OTUD7A: variants seen among roughly 807,000 people sequenced by gnomAD.
The protein encoded by OTUD7A is OTU deubiquitinase 7A.
In OTUD7A, 12 loss-of-function variants were observed where a neutral mutation model predicts 65.7. The observed-to-expected ratio is 0.18, with a 90% CI of 0.12 to 0.30. OTUD7A has a LOEUF of 0.30. Among genes scored for constraint, OTUD7A ranks in the 10% least tolerant of loss-of-function variants. The probability of loss-of-function intolerance (pLI) is 1.00; values close to 1 mark genes in which losing one functional copy is unlikely to be tolerated. For synonymous variants in OTUD7A, 641 were observed against 586.3 expected, an observed-to-expected ratio of 1.09 and a Z score of -1.35; for missense variants, 1,148 against 1,304.8, an observed-to-expected ratio of 0.88 and a Z score of 1.85.
chr15:31,797,023 G>C (rs565190599), intron 1 of OTUD7A, among the ~76,000 whole-genome samples: 6 of 152,102 alleles, frequency 3.9e-5, no homozygotes, highest in African/African-American at 4.8e-5. Context: ...CGTGAGCCAC[G>C]GCACCTGGCC....
At chr15:31,717,058 A>C (rs1312486604) in intron 1 of OTUD7A, among the ~76,000 whole-genome samples, 1 of 152,204 alleles carries the variant, frequency 6.6e-6, no homozygotes, top group Non-Finnish European at 1.5e-5. Context: ...TACATTTATC[A>C]TTCTCTCCAC....
rs895058836 is a variant in OTUD7A at position 31,867,448 on chromosome 15, G to A, written c.-100+3059C>T. 5.9e-5 allele frequency among the ~76,000 whole-genome samples: 9 copies of A among 152,184 alleles called. No individual in the cohort carries two copies. In the South Asian group the frequency reaches 6.2e-4, roughly 11 times the overall value. The stretch of plus-strand genomic sequence containing the variant: ...CCCCTTCCCTCCTCCACCAGGCTTG[G>A]GGGCCACAGGAATTACTTCCTAAGT... On this transcript the variant is annotated intron_variant, in intron 1 of 12. Transcript: ENST00000307050.
chr15:31,676,006 A>C (rs1253740927), intron 1 of OTUD7A, among the ~76,000 whole-genome samples: 1 of 152,132 alleles, frequency 6.6e-6, no homozygotes, highest in Admixed American at 6.5e-5. Flanking sequence ...GGAAGCTGAC[A>C]AACAGTTTCT....
chr15:31,774,554 A>G (rs544123732), intron 1 of OTUD7A, among the ~76,000 whole-genome samples: 2 of 152,220 alleles, frequency 1.3e-5, no homozygotes, highest in African/African-American at 4.8e-5. Context: ...GCTCCAGCAC[A>G]CTCTGTTAAT....
intron 8 of OTUD7A, among the ~76,000 whole-genome samples, chr15:31,516,626 G>C (rs1344131723): frequency 6.6e-6 from 1 of 152,196 alleles, no homozygotes; most frequent in Non-Finnish European, 1.5e-5. Flanking sequence ...CACACCCAAA[G>C]ACCCAAGCTG....
chr15:31,806,369 G>C (rs955336743), intron 1 of OTUD7A, among the ~76,000 whole-genome samples: 3 of 152,184 alleles, frequency 2.0e-5, no homozygotes, highest in Non-Finnish European at 4.4e-5. Context: ...GGCTACCAAT[G>C]TTATTGGCAA....
At chr15:31,684,875 C>G (rs2654112) in intron 1 of OTUD7A, among the ~76,000 whole-genome samples, 145,500 of 145,510 alleles carry the variant, frequency 1, 72,745 homozygotes, top group Non-Finnish European at 1. Flanking sequence ...GGCAGGAATG[C>G]TTGGGAGCTG....
At chr15:31,633,582 G>A (rs147274278) in intron 3 of OTUD7A, among the ~76,000 whole-genome samples, 4,179 of 152,116 alleles carry the variant, frequency 0.027, 217 homozygotes, top group African/African-American at 0.094. Flanking sequence ...GCCTCCTGGT[G>A]ACCAAGTCCC....
intron 1 of OTUD7A, among the ~76,000 whole-genome samples, chr15:31,826,432 G>A (rs1032640251): frequency 2.0e-5 from 3 of 152,212 alleles, no homozygotes; most frequent in Admixed American, 1.3e-4. Flanking sequence ...GGGACACAGG[G>A]CACCAAGTCG....
chr15:31,625,106 G>C (rs950928368), intron 3 of OTUD7A, among the ~76,000 whole-genome samples: 9 of 152,202 alleles, frequency 5.9e-5, no homozygotes, highest in African/African-American at 1.9e-4. Flanking sequence ...TTACAAGGTT[G>C]CCCAGGCAGC....
chr15:31,784,667 T>C (rs1895626228), intron 1 of OTUD7A, among the ~76,000 whole-genome samples: 1 of 152,120 alleles, frequency 6.6e-6, no homozygotes. Context: ...GAACCTGACA[T>C]CAAAAATTTT....
intron 1 of OTUD7A, among the ~76,000 whole-genome samples, chr15:31,665,746 G>A (rs1892300804): frequency 6.6e-6 from 1 of 152,180 alleles, no homozygotes; most frequent in African/African-American, 2.4e-5. Context: ...AGTTCTCAGA[G>A]GGAAGCTTTC....
At chr15:31,503,991 T>C (rs1001417066) in intron 8 of OTUD7A, among the ~76,000 whole-genome samples, 173 bp from the exon 9 acceptor site, 3 of 152,162 alleles carry the variant, frequency 2.0e-5, no homozygotes, top group African/African-American at 7.2e-5. Flanking sequence ...CGATGGCAAA[T>C]GCACAGGTCC....
intron 1 of OTUD7A, among the ~76,000 whole-genome samples, chr15:31,768,796 A>C (rs1895156319): frequency 6.6e-6 from 1 of 152,232 alleles, no homozygotes; most frequent in African/African-American, 2.4e-5. Context: ...TTGAATAGTT[A>C]AATGTTGTTC....
At chr15:31,578,337 T>A (rs1889268141) in intron 3 of OTUD7A, among the ~76,000 whole-genome samples, 1 of 152,228 alleles carries the variant, frequency 6.6e-6, no homozygotes. Flanking sequence ...TTAAGTCTGA[T>A]AAGAAACATT....
At chr15:31,589,406 C>T (rs1889649080) in intron 3 of OTUD7A, among the ~76,000 whole-genome samples, 1 of 150,578 alleles carries the variant, frequency 6.6e-6, no homozygotes, top group Non-Finnish European at 1.5e-5. Context: ...TTCAAGCAAT[C>T]CTCCCACCTT....
chr15:31,803,134 T>C (rs1372466588), intron 1 of OTUD7A, among the ~76,000 whole-genome samples: 2 of 152,024 alleles, frequency 1.3e-5, no homozygotes, highest in Non-Finnish European at 2.9e-5. Flanking sequence ...ACATAACCAA[T>C]AATCATGCCC....
chr15:31,796,722 G>A (rs963103892), intron 1 of OTUD7A, among the ~76,000 whole-genome samples: 1 of 152,128 alleles, frequency 6.6e-6, no homozygotes, highest in Non-Finnish European at 1.5e-5. Flanking sequence ...CTTATATTTA[G>A]ACAGAGCTTT....
At chr15:31,505,442 C>T (rs1003984077) in intron 8 of OTUD7A, among the ~76,000 whole-genome samples, 1 of 152,056 alleles carries the variant, frequency 6.6e-6, no homozygotes, top group African/African-American at 2.4e-5. Context: ...AATCTTAGCA[C>T]AGGTCTTTGA....
Sources: allele counts gnomAD v4.1 joint callset (sites outside exome capture counted in the v4.1 genomes callset), GRCh38; gene constraint gnomAD v4.1.1; transcripts MANE v1.5; gene names NCBI Gene and HGNC (gene_info 2026-07-23, HGNC 2026-07-21).